Variants in SCARB2 observed in about 807,000 individuals in gnomAD.
The protein encoded by SCARB2 is lysosome membrane protein 2.
A neutral mutation model predicts 58.6 loss-of-function variants in SCARB2; 29 were observed. The observed-to-expected ratio is 0.49, with a 90% CI of 0.37 to 0.67. SCARB2 has a LOEUF of 0.67. Ranked by LOEUF, SCARB2 falls within the 30% of genes least tolerant of loss-of-function variation. The pLI is 0.00. For synonymous variants in SCARB2, 195 were observed against 210.1 expected (o/e 0.93, Z 0.62); for missense variants, 488 against 578.5 (o/e 0.84, Z 1.60).
chr4:76,202,347 C>T (rs369770602), intron 1 of SCARB2, among the ~76,000 whole-genome samples: 27 of 152,072 alleles, frequency 1.8e-4, no homozygotes, highest in African/African-American at 6.3e-4. Context: ...CCACAACCTC[C>T]GCCTCCCGGG....
chr4:76,207,385 A>T (rs1284456115), intron 1 of SCARB2, among the ~76,000 whole-genome samples: 10 of 152,292 alleles, frequency 6.6e-5, no homozygotes, highest in African/African-American at 2.4e-4. Context: ...GGGGCCCAGG[A>T]GTTTAAATTG....
At chr4:76,212,384 C>T (rs755523315) in intron 1 of SCARB2, among the ~76,000 whole-genome samples, 7 of 152,146 alleles carry the variant, frequency 4.6e-5, no homozygotes, top group Non-Finnish European at 1.0e-4. Flanking sequence ...CAGGTACTCA[C>T]TTAATTACTT....
At chr4:76,171,062 A>G (rs1732120265) in intron 7 of SCARB2, among the ~76,000 whole-genome samples, 1 of 151,820 alleles carries the variant, frequency 6.6e-6, no homozygotes, top group Non-Finnish European at 1.5e-5. Flanking sequence ...CTGCCAGGGA[A>G]ATACATTTTT....
intron 2 of SCARB2, among the ~76,000 whole-genome samples, chr4:76,186,409 G>A (rs17001594): frequency 0.25 from 38,112 of 151,898 alleles, 6,324 homozygotes; most frequent in African/African-American, 0.47. Context: ...ACACATCAAC[G>A]TGAAAGGAGT....
At chr4:76,197,102 T>G (rs78383776) in intron 1 of SCARB2, among the ~76,000 whole-genome samples, 3,500 of 152,312 alleles carry the variant, frequency 0.023, 121 homozygotes, top group African/African-American at 0.08. Context: ...AAACCAACTC[T>G]GCCAATACCT....
intron 2 of SCARB2, chr4:76,184,805 A>G (rs1174833928): frequency 2.8e-6 from 1 of 359,190 alleles, no homozygotes; most frequent in Non-Finnish European, 5.2e-6. Flanking sequence ...AAAAATTTTA[A>G]TTTAAAAACA....
chr4:76,226,835 A>G (rs1733406787), intron 1 of SCARB2, among the ~76,000 whole-genome samples: 1 of 152,174 alleles, frequency 6.6e-6, no homozygotes, highest in South Asian at 2.1e-4. Context: ...GTGACCTTAA[A>G]TGATCTTTTG....
upstream of SCARB2, among the ~76,000 whole-genome samples, chr4:76,217,966 G>A (rs996775309): frequency 1.3e-5 from 2 of 152,230 alleles, no homozygotes; most frequent in African/African-American, 2.4e-5. Flanking sequence ...ATACTCAAAT[G>A]AGTTTAATGA....
intron 5 of SCARB2, 67 bp from the exon 6 acceptor site, chr4:76,175,977 C>A: frequency 6.3e-7 from 1 of 1,583,384 alleles, no homozygotes; most frequent in South Asian, 1.1e-5. Flanking sequence ...CTTAAATGGT[C>A]AGGACTTTGC....
chr4:76,227,443 T>C (rs1053727108), intron 1 of SCARB2, among the ~76,000 whole-genome samples: 13 of 152,230 alleles, frequency 8.5e-5, no homozygotes, highest in African/African-American at 3.1e-4. Context: ...TATTGAGACC[T>C]GTTTTGTGGC....
chr4:76,174,018 A>AC, intron 7 of SCARB2, 126 bp downstream of exon 7: 1 of 1,198,386 alleles, frequency 8.3e-7, no homozygotes, highest in Non-Finnish European at 1.2e-6. Context: ...TGATCATCCC[A>AC]CCTCAGCATC....
In SCARB2 at chr4:76,176,503, T is replaced by G. The variant is rs751953388; in HGVS notation, c.638A>C (p.Tyr213Ser). 12 of 1,611,362 alleles carry G rather than the reference T, an allele frequency of 7.4e-6. No individual in the cohort carries two copies. The highest frequency in any genetic ancestry group is 1.0e-5 in the Non-Finnish European group (12 of 1,178,408). Reference protein sequence around the residue: ...YEKNGTNDGDYVFLTGEDSYL... With the variant: ...YEKNGTNDGDSVFLTGEDSYL... Reference sequence around the variant, plus strand: ...ACTGTCTTCTCCAGTTAGAAAAACATAGTCTCCATCATTAGTCCCATTTTT... The same window carrying G: ...ACTGTCTTCTCCAGTTAGAAAAACAGAGTCTCCATCATTAGTCCCATTTTT... Residue 213 changes from tyrosine to serine, a missense_variant, in exon 5 of 12, where the codon TAT (tyrosine) becomes TCT (serine). Physicochemically the swap from Tyr to Ser is moderately radical, Grantham distance 144. Transcript: ENST00000264896.
At chr4:76,213,301 C>G (rs1235435491) in intron 1 of SCARB2, 126 bp downstream of exon 1, 1 of 737,660 alleles carries the variant, frequency 1.4e-6, no homozygotes, top group Non-Finnish European at 2.5e-6. Context: ...AAGACAGGGA[C>G]GCAAGAAGAG....
chr4:76,204,427 GA>G (rs1215980091), intron 1 of SCARB2, among the ~76,000 whole-genome samples: 1 of 152,144 alleles, frequency 6.6e-6, no homozygotes, highest in African/African-American at 2.4e-5. Context: ...GCTCATGGGT[GA>G]ACTGTACTTT....
chr4:76,185,096 A>C (rs1443260082), intron 2 of SCARB2, among the ~76,000 whole-genome samples: 1 of 152,246 alleles, frequency 6.6e-6, no homozygotes, highest in Admixed American at 6.5e-5. Context: ...TTCAGGACCA[A>C]TCGAAAGTGT....
At chr4:76,174,657 C>A in intron 6 of SCARB2, 1 of 296,992 alleles carries the variant, frequency 3.4e-6, no homozygotes, top group Non-Finnish European at 6.5e-6. Context: ...GACGGGCCAC[C>A]GGCAAAGCCA....
Position 76,162,203 on chromosome 4 carries a change from C to A in SCARB2, c.1399-452G>T, listed in dbSNP as rs1731913897. ...ATTTCAATGACTGCATAAAGTCACA[C>A]TGGAAGATCCACACATAGAAATGGC... On this transcript the variant is annotated intron_variant, in intron 11 of 11. Coordinates refer to ENST00000264896, the MANE Select transcript of SCARB2 (RefSeq NM_005506.4). 4 of 177,330 alleles carry A rather than the reference C, an allele frequency of 2.3e-5. No individual in the cohort carries two copies. In the South Asian group the frequency reaches 5.3e-4, roughly 23 times the overall value. The allele number at this position is 177,330 out of a possible 1,614,324, so 11.0% of individuals were successfully genotyped here. A position where few individuals can be genotyped will look rare whatever the true frequency, so the allele number is the denominator to read the frequency against.
At position 76,213,718 on chromosome 4, in the gene SCARB2, C is replaced by T. The variant is rs972318225; in HGVS notation, c.-175G>A. 2.5e-5 allele frequency: 13 copies of T among 517,612 alleles called. No homozygotes were observed. Among genetic ancestry groups the T allele is most frequent in the Middle Eastern group, 5.1e-4 (1 of 1,970 alleles). 32.1% of individuals were successfully genotyped at this position (517,612 alleles called of 1,614,324 possible). On this transcript the variant is annotated 5_prime_UTR_variant, in exon 1 of 12. Transcript: ENST00000264896. ...GGGCTCCGCGGCCTGGCGAGCGCGGCCCCGGGTGCACCGGGCGGATGGGGC... is the reference window on the plus strand; with the variant it reads ...GGGCTCCGCGGCCTGGCGAGCGCGGTCCCGGGTGCACCGGGCGGATGGGGC...
intron 4 of SCARB2, among the ~76,000 whole-genome samples, chr4:76,177,606 C>G (rs1169779195): frequency 6.6e-6 from 1 of 152,068 alleles, no homozygotes; most frequent in Non-Finnish European, 1.5e-5. Flanking sequence ...TAATAATAGC[C>G]AAGAAGGAAC....
Sources: gnomAD v4.1 joint callset for allele counts (sites outside exome capture counted in the v4.1 genomes callset) on GRCh38, gnomAD v4.1.1 for gene constraint, MANE v1.5 for transcripts, NCBI Gene and HGNC (gene_info 2026-07-23, HGNC 2026-07-21) for gene names.